ACAP2: variants seen among roughly 807,000 people sequenced by gnomAD.
The protein encoded by ACAP2 is arf-GAP with coiled-coil, ANK repeat and PH domain-containing protein 2.
In ACAP2, 39 loss-of-function variants were observed where a neutral mutation model predicts 115.8. The observed-to-expected ratio is 0.34, with a 90% confidence interval of 0.26 to 0.44. The LOEUF is 0.44. ACAP2 is among the 20% of genes least tolerant of loss of function. ACAP2 has a pLI of 1.00. For missense variants in ACAP2, 662 were observed against 927.6 expected (o/e 0.71, Z 3.72); for synonymous variants, 289 against 315.8 (o/e 0.92, Z 0.90).
At chr3:195,392,237 T>A in intron 1 of ACAP2, 90 bp from the exon 2 acceptor site, 3 of 1,037,472 alleles carry the variant, frequency 2.9e-6, no homozygotes, top group Non-Finnish European at 4.3e-6. Flanking sequence ...AAGATAGATA[T>A]GAATGCTTAA....
rs138050361 is a variant in ACAP2 at position 195,314,798 on chromosome 3, A to C, written c.857+5903T>G. ...AAATTAACTCACCAATATCATAAAC[A>C]CAGTCTTTTACTCAAAGTCCAGTAA... is the stretch of plus-strand genomic sequence containing the variant. On this transcript the variant is annotated intron_variant, in intron 10 of 22. Coordinates refer to ENST00000326793, the MANE Select transcript of ACAP2 (RefSeq NM_012287.6). Among the ~76,000 whole-genome samples the C allele has an allele frequency of 7.9e-5, 12 of 152,358 alleles. No homozygotes were observed. The East Asian group carries it at 2.3e-3, about 29-fold the overall frequency.
intron 10 of ACAP2, among the ~76,000 whole-genome samples, chr3:195,312,665 T>TA (rs111466986): frequency 2.9e-3 from 426 of 148,828 alleles, no homozygotes; most frequent in African/African-American, 9.5e-3. Context: ...AAGATATGTT[T>TA]AAAAAAAAAA....
intron 1 of ACAP2, among the ~76,000 whole-genome samples, chr3:195,439,367 C>T (rs1451392776): frequency 1.3e-5 from 2 of 151,708 alleles, no homozygotes; most frequent in African/African-American, 4.8e-5. Flanking sequence ...TTTGTAGAGA[C>T]GGTGTCTCAC....
At chr3:195,349,649 T>C (rs1380390783) in intron 4 of ACAP2, 1 of 161,112 alleles carries the variant, frequency 6.2e-6, no homozygotes, top group African/African-American at 2.4e-5. Context: ...TCTTTTCTAA[T>C]TTGGGTCCAG....
In ACAP2 at chr3:195,362,092, C is replaced by T. The variant is rs769795050; in HGVS notation, c.286-16775G>A. Reference sequence around the variant, plus strand: ...CTTTGGGAGGCCAAGGTGGGTGGATCACCTGAGGTCAGGAGTTTGAGACCA... The same window carrying T: ...CTTTGGGAGGCCAAGGTGGGTGGATTACCTGAGGTCAGGAGTTTGAGACCA... On this transcript the variant is annotated intron_variant, in intron 4 of 22. Coordinates refer to ENST00000326793, the MANE Select transcript of ACAP2 (RefSeq NM_012287.6). 1.4e-4 allele frequency among the ~76,000 whole-genome samples: 21 copies of T among 152,120 alleles called. 1 individual carries two copies. Among genetic ancestry groups the T allele is most frequent in the Admixed American group, 5.2e-4 (8 of 15,256 alleles).
chr3:195,301,776 TAATG>T, intron 14 of ACAP2, 132 bp from the exon 15 acceptor site: 1 of 1,112,246 alleles, frequency 9.0e-7, no homozygotes, highest in Non-Finnish European at 1.3e-6. Flanking sequence ...TTCTGTTTAA[TAATG>T]AATGATGAAC....
At chr3:195,321,143 A>G (rs1399932407) in intron 9 of ACAP2, among the ~76,000 whole-genome samples, 16 of 151,984 alleles carry the variant, frequency 1.1e-4, no homozygotes, top group Non-Finnish European at 1.5e-5. Context: ...AATAATATGT[A>G]TACAAATAAA....
At chr3:195,434,236 GTTTTT>G (rs1183874797) in intron 1 of ACAP2, among the ~76,000 whole-genome samples, 8 of 151,106 alleles carry the variant, frequency 5.3e-5, no homozygotes, top group Non-Finnish European at 1.0e-4. Flanking sequence ...GCCTGGTTTT[GTTTTT>G]TTGTTTTTTG....
intron 20 of ACAP2, among the ~76,000 whole-genome samples, chr3:195,290,140 G>A (rs1330053915): frequency 6.6e-6 from 1 of 152,198 alleles, no homozygotes; most frequent in African/African-American, 2.4e-5. Context: ...GAAGGCAGAG[G>A]TAGGGGGAAT....
In ACAP2 at chr3:195,291,796, T is replaced by A; in HGVS notation, c.1973A>T (p.Glu658Val). 6.2e-7 allele frequency: 1 copy of A among 1,613,330 alleles called. No homozygotes were observed. The highest frequency in any genetic ancestry group is 1.1e-5 in the South Asian group (1 of 90,948). ...ATTAGCACCATTCTGTAGGAGGAAC[T>A]CACACGTCACCAAAGAGCCCTTAAA... ...AVLGGSLVTC[E>V]FLLQNGANVN... is the part of the protein sequence containing the mutation. The change falls in exon 20 of 23, where the codon GAG becomes GTG. Residue 658 changes from glutamate to valine, a missense_variant. Glu to Val is a moderately radical substitution (Grantham distance 121, BLOSUM62 -2). Coordinates refer to ENST00000326793, the MANE Select transcript of ACAP2 (RefSeq NM_012287.6).
At chr3:195,377,163 G>GTTTTTTTTTTTTTTT (rs1412992193) in intron 4 of ACAP2, among the ~76,000 whole-genome samples, 1 of 37,306 alleles carries the variant, frequency 2.7e-5, no homozygotes, top group African/African-American at 1.4e-4. Context: ...TTTTTTTTTG[G>GTTTTTTTTTTTTTTT]AAACAAGGTC....
At chr3:195,390,744 G>A (rs939396323) in intron 2 of ACAP2, among the ~76,000 whole-genome samples, 5 of 152,130 alleles carry the variant, frequency 3.3e-5, no homozygotes, top group African/African-American at 7.2e-5. Flanking sequence ...GGAGCACTAC[G>A]TTACACAGCA....
At chr3:195,373,598 G>C (rs775527619) in intron 4 of ACAP2, among the ~76,000 whole-genome samples, 4 of 152,172 alleles carry the variant, frequency 2.6e-5, no homozygotes, top group Non-Finnish European at 5.9e-5. Flanking sequence ...CCTGCTATCT[G>C]ATTAACTTAT....
intron 4 of ACAP2, among the ~76,000 whole-genome samples, chr3:195,359,041 C>G (rs1022589091): frequency 6.6e-6 from 1 of 152,182 alleles, no homozygotes; most frequent in South Asian, 2.1e-4. Context: ...ATTTAAAGTG[C>G]TGGCAAAAAA....
chr3:195,286,997 CCTGT>C (rs1726886233), intron 21 of ACAP2, among the ~76,000 whole-genome samples: 1 of 152,236 alleles, frequency 6.6e-6, no homozygotes, highest in African/African-American at 2.4e-5. Flanking sequence ...AGTAACCCCT[CCTGT>C]GGGGAAAGGA....
intron 2 of ACAP2, among the ~76,000 whole-genome samples, chr3:195,390,738 C>G (rs769304939): frequency 2.6e-5 from 4 of 152,138 alleles, no homozygotes; most frequent in Admixed American, 6.5e-5. Flanking sequence ...GTCTCAGGAG[C>G]ACTACGTTAC....
intron 4 of ACAP2, among the ~76,000 whole-genome samples, chr3:195,369,199 T>C (rs1490163680): frequency 1.3e-5 from 2 of 152,250 alleles, no homozygotes; most frequent in Non-Finnish European, 2.9e-5. Flanking sequence ...AATCTGATTT[T>C]CTGATCATAC....
intron 4 of ACAP2, among the ~76,000 whole-genome samples, chr3:195,377,163 G>GTTTTTTTTTTTTTTTT (rs1412992193): frequency 5.4e-5 from 2 of 37,304 alleles, no homozygotes; most frequent in African/African-American, 1.4e-4. Flanking sequence ...TTTTTTTTTG[G>GTTTTTTTTTTTTTTTT]AAACAAGGTC....
At chr3:195,306,891 T>G (rs1329769596) in intron 12 of ACAP2, 5 of 296,208 alleles carry the variant, frequency 1.7e-5, no homozygotes, top group Non-Finnish European at 1.2e-5. Context: ...CATATAAATA[T>G]AGAAACACTC....
Sources: allele counts gnomAD v4.1 joint callset (sites outside exome capture counted in the v4.1 genomes callset), GRCh38; gene constraint gnomAD v4.1.1; transcripts MANE v1.5; gene names NCBI Gene and HGNC (gene_info 2026-07-23, HGNC 2026-07-21).